Variants in NINL observed in about 807,000 individuals in gnomAD.
The protein encoded by NINL is ninein like.
Under a neutral mutation model 160.3 loss-of-function variants are expected in NINL, and 153 were observed. That is an observed-to-expected ratio of 0.95 (90% CI 0.84 to 1.09). NINL has a LOEUF of 1.09. NINL is among the 50% of genes least tolerant of loss of function. NINL has a pLI of 0.00. For synonymous variants in NINL, 800 were observed against 734.8 expected (o/e 1.09, Z -1.43); for missense variants, 1,829 against 1,764.0 (o/e 1.04, Z -0.66).
chr20:25,467,493 T>TTGGTCACAA, intron 18 of NINL, 35 bp from the exon 19 acceptor site: 1 of 1,524,528 alleles, frequency 6.6e-7, no homozygotes, highest in Non-Finnish European at 9.1e-7. Context: ...TGATACCACT[T>TTGGTCACAA]GTGACCAACC....
chr20:25,569,850 T>C (rs1476042414), intron 1 of NINL, among the ~76,000 whole-genome samples: 2 of 152,086 alleles, frequency 1.3e-5, no homozygotes, highest in Non-Finnish European at 2.9e-5. Context: ...CACCCAGAGC[T>C]TTCTCAGGAG....
intron 2 of NINL, among the ~76,000 whole-genome samples, chr20:25,525,877 C>A (rs1372713238): frequency 2.6e-5 from 4 of 152,126 alleles, no homozygotes; most frequent in African/African-American, 4.8e-5. Context: ...TAGAAAAGAA[C>A]CCTCTAATTT....
intron 1 of NINL, among the ~76,000 whole-genome samples, chr20:25,555,802 G>A (rs978451079): frequency 2.0e-5 from 3 of 152,116 alleles, no homozygotes; most frequent in Non-Finnish European, 4.4e-5. Flanking sequence ...AGCCTCCCAA[G>A]TACGTAGGAT....
At chr20:25,499,064 G>A (rs8117181) in intron 8 of NINL, 53,959 of 985,408 alleles carry the variant, frequency 0.055, 2,530 homozygotes, top group African/African-American at 0.23. Context: ...TGCTCAGGCC[G>A]GCGGCAGGCA....
chr20:25,453,273 GC>G lies in NINL; in HGVS notation c.*177del. The stretch of plus-strand genomic sequence containing the variant: ...CTTCTGCAACATGCATATTCCCCCA[GC>G]CCCCACCTCCATCTTGCCCAGGGCA... On this transcript the variant is annotated 3_prime_UTR_variant, in exon 24 of 24. Transcript: ENST00000278886. The G allele has an allele frequency of 4.1e-6, 2 of 491,358 alleles. No individual in the cohort carries two copies. Among genetic ancestry groups the G allele is most frequent in the Non-Finnish European group, 6.8e-6 (2 of 292,410 alleles). The allele number at this position is 491,358 out of a possible 1,614,324, so 30.4% of individuals were successfully genotyped here. A position where few individuals can be genotyped will look rare whatever the true frequency, so the allele number is the denominator to read the frequency against.
rs758007692 is a variant in NINL, at chr20:25,510,724, T to G, written c.467A>C (p.Glu156Ala). 1 of 1,613,738 alleles carries G rather than the reference T, an allele frequency of 6.2e-7. No homozygotes were observed. The highest frequency in any genetic ancestry group is 2.2e-5 in the East Asian group (1 of 44,882). The change falls in exon 5 of 24, where the codon GAA (glutamate) becomes GCA (alanine). Residue 156 changes from glutamate to alanine, a missense_variant. By Grantham distance (107) the Glu-to-Ala change is moderately radical. Transcript: ENST00000278886. ...LESVESPKSD[E>A]EAESTKEAQN... ...AGCTTCTTTAGTGCTCTCGGCCTCT[T>G]CATCTGACTTGGGACTCTGTAGAAA...
rs1468218143 is a variant in NINL, at chr20:25,491,499, C to T, written c.1337G>A (p.Arg446Lys). Residue 446 changes from arginine (R) to lysine (K), a missense_variant, in exon 11 of 24, where the codon AGG becomes AAG. By Grantham distance (26) the Arg-to-Lys change is conservative. Coordinates refer to ENST00000278886, the MANE Select transcript of NINL (RefSeq NM_025176.6). Reference sequence around the variant, plus strand: ...CACCTCAGACCGCAGGAGGCTCAGCCTTTCCCGGTACCCCTGCTCCAGATG... The same window carrying T: ...CACCTCAGACCGCAGGAGGCTCAGCTTTTCCCGGTACCCCTGCTCCAGATG... ...IKHLEQGYRE[R>K]LSLLRSEVEA... 2 of 1,614,010 alleles carry T rather than the reference C, an allele frequency of 1.2e-6. No individual in the cohort carries two copies. Among genetic ancestry groups the T allele is most frequent in the South Asian group, 1.1e-5 (1 of 91,066 alleles).
intron 1 of NINL, among the ~76,000 whole-genome samples, chr20:25,582,376 C>T (rs2065184409): frequency 6.6e-6 from 1 of 151,968 alleles, no homozygotes; most frequent in Non-Finnish European, 1.5e-5. Context: ...GGTGTGGTGG[C>T]TCATACCTGT....
intron 13 of NINL, 197 bp downstream of exon 13, chr20:25,489,047 C>G (rs2063563088): frequency 5.0e-6 from 3 of 602,962 alleles, no homozygotes; most frequent in East Asian, 2.8e-5. Flanking sequence ...CCTGGACACA[C>G]AGAGGCGGCC....
chr20:25,581,289 C>A (rs886903815), intron 1 of NINL, among the ~76,000 whole-genome samples: 1 of 152,062 alleles, frequency 6.6e-6, no homozygotes, highest in Non-Finnish European at 1.5e-5. Flanking sequence ...ACTAAAAATA[C>A]AAAAATTAGC....
At chr20:25,570,406 G>T (rs868184592) in intron 1 of NINL, among the ~76,000 whole-genome samples, 23 of 152,040 alleles carry the variant, frequency 1.5e-4, no homozygotes, top group African/African-American at 4.6e-4. Flanking sequence ...GTTGTTTAAA[G>T]GCATGTGGCA....
intron 1 of NINL, among the ~76,000 whole-genome samples, chr20:25,581,264 C>T (rs931212058): frequency 6.6e-6 from 1 of 152,040 alleles, no homozygotes; most frequent in Admixed American, 6.6e-5. Flanking sequence ...GCCAACATGG[C>T]GAAACTCTGT....
intron 1 of NINL, among the ~76,000 whole-genome samples, chr20:25,552,510 A>G (rs188681488): frequency 2.0e-5 from 3 of 152,386 alleles, no homozygotes; most frequent in East Asian, 1.9e-4. Context: ...TTGCATGTTT[A>G]TCCTATTAAT....
At chr20:25,575,272 C>T (rs2065101444) in intron 1 of NINL, among the ~76,000 whole-genome samples, 1 of 150,330 alleles carries the variant, frequency 6.7e-6, no homozygotes, top group Non-Finnish European at 1.5e-5. Flanking sequence ...CATGGTGAAA[C>T]CCCGTCTCTA....
chr20:25,554,401 G>A (rs1236997344), intron 1 of NINL, among the ~76,000 whole-genome samples: 1 of 152,062 alleles, frequency 6.6e-6, no homozygotes, highest in African/African-American at 2.4e-5. Context: ...CACCTGGAAG[G>A]GTATGGGCTC....
chr20:25,555,855 A>G (rs2064859366), intron 1 of NINL, among the ~76,000 whole-genome samples: 1 of 152,118 alleles, frequency 6.6e-6, no homozygotes, highest in Non-Finnish European at 1.5e-5. Flanking sequence ...TTGTATTTTT[A>G]GTAGAGACAG....
At chr20:25,454,199 C>A (rs1323869992) in intron 23 of NINL, among the ~76,000 whole-genome samples, 1 of 152,158 alleles carries the variant, frequency 6.6e-6, no homozygotes, top group Non-Finnish European at 1.5e-5. Context: ...GGACTTCAGG[C>A]AAAAGTGGCC....
intron 2 of NINL, among the ~76,000 whole-genome samples, chr20:25,525,935 T>A (rs1313214877): frequency 1.3e-5 from 2 of 152,220 alleles, no homozygotes; most frequent in Admixed American, 1.3e-4. Context: ...CTTTTGGACA[T>A]GGGTATCCTT....
In NINL at chr20:25,497,872, A is replaced by C. The variant is rs754327167; in HGVS notation, c.1169+338T>G. ...CTCAGTGGGGGCCCCCAACATACAG[A>C]TCCCAAGCACCTCAACAAGTGGGAG... On this transcript the variant is annotated intron_variant, in intron 9 of 23. Transcript: ENST00000278886. 6.5e-4 allele frequency among the ~76,000 whole-genome samples: 99 copies of C among 152,140 alleles called. 1 individual carries two copies. The highest frequency in any genetic ancestry group is 1.8e-4 in the Non-Finnish European group (12 of 68,012).
Sources: allele counts gnomAD v4.1 joint callset (sites outside exome capture counted in the v4.1 genomes callset), GRCh38; gene constraint gnomAD v4.1.1; transcripts MANE v1.5; gene names NCBI Gene and HGNC (gene_info 2026-07-23, HGNC 2026-07-21).